CPPED1: variants seen among roughly 807,000 people sequenced by gnomAD.
CPPED1 encodes the protein calcineurin like phosphoesterase domain containing 1, also known as serine/threonine-protein phosphatase CPPED1.
A neutral mutation model predicts 28.0 loss-of-function variants in CPPED1; 28 were observed. That is an observed-to-expected ratio of 1.00 (90% confidence interval 0.74 to 1.37). The LOEUF (loss-of-function observed/expected upper bound fraction) is 1.37, where lower values mean the gene tolerates loss of function less well. CPPED1 is among the 40% of genes most tolerant of loss of function. CPPED1 has a pLI of 0.00. For missense variants in CPPED1, 504 were observed against 416.5 expected (o/e 1.21, Z -1.83); for synonymous variants, 198 against 180.2 (o/e 1.10, Z -0.79).
At chr16:12,757,057 T>C (rs2080374373) in intron 2 of CPPED1, among the ~76,000 whole-genome samples, 1 of 152,172 alleles carries the variant, frequency 6.6e-6, no homozygotes, top group Non-Finnish European at 1.5e-5. Context: ...CCAACTAAGT[T>C]ATAGCACCTC....
chr16:12,772,740 T>C (rs1217047578), intron 2 of CPPED1, among the ~76,000 whole-genome samples: 1 of 152,192 alleles, frequency 6.6e-6, no homozygotes, highest in African/African-American at 2.4e-5. Context: ...GATGAAAAGC[T>C]TCTTCATCTA....
In CPPED1 at chr16:12,704,774, G is replaced by C. The variant is rs766728534; in HGVS notation, c.565C>G (p.Leu189Val). The change falls in exon 3 of 4, where the codon CTG becomes GTG. Residue 189 changes from leucine (L) to valine (V), a missense_variant. Coordinates refer to ENST00000381774, the MANE Select transcript of CPPED1 (RefSeq NM_018340.3). ...QAQDQWLDEQ[L>V]SIARQRHCQH... ...CAGTGCCGCTGCCTCGCGATGCTCA[G>C]CTGCTCGTCCAGCCACTGGTCCTGA... 1 of 1,614,224 alleles carries C rather than the reference G, an allele frequency of 6.2e-7. No homozygotes were observed. Among genetic ancestry groups the C allele is most frequent in the Admixed American group, 1.7e-5 (1 of 60,018 alleles).
chr16:12,735,661 T>C (rs947894686), intron 2 of CPPED1, among the ~76,000 whole-genome samples: 1 of 152,214 alleles, frequency 6.6e-6, no homozygotes, highest in Non-Finnish European at 1.5e-5. Context: ...ACCTGCTTCA[T>C]AGGATTGTTA....
At chr16:12,705,270 T>C (rs995024290) in intron 2 of CPPED1, among the ~76,000 whole-genome samples, 2 of 152,218 alleles carry the variant, frequency 1.3e-5, no homozygotes, top group Non-Finnish European at 2.9e-5. Flanking sequence ...AGAAATTCCA[T>C]GACTACATGG....
intron 3 of CPPED1, among the ~76,000 whole-genome samples, chr16:12,696,438 CT>C (rs1180336228): frequency 0.16 from 19,685 of 120,662 alleles, 2,178 homozygotes; most frequent in African/African-American, 0.4. Flanking sequence ...AAGTGACTTT[CT>C]TTTTTTTTTT....
intron 3 of CPPED1, among the ~76,000 whole-genome samples, chr16:12,686,259 G>T (rs953036979): frequency 6.7e-6 from 1 of 149,434 alleles, no homozygotes; most frequent in Non-Finnish European, 1.5e-5. Flanking sequence ...TTTTGAGATG[G>T]GGTCTTGCTA....
intron 2 of CPPED1, among the ~76,000 whole-genome samples, chr16:12,714,182 A>T (rs1158708249): frequency 6.6e-6 from 1 of 152,174 alleles, no homozygotes; most frequent in Non-Finnish European, 1.5e-5. Flanking sequence ...CCATTCATCT[A>T]CTGATGGACG....
chr16:12,799,784 T>C (rs1263565632), intron 1 of CPPED1, among the ~76,000 whole-genome samples: 2 of 152,230 alleles, frequency 1.3e-5, no homozygotes, highest in East Asian at 3.8e-4. Flanking sequence ...CAGAACACTC[T>C]GAGGCTGGGC....
At chr16:12,762,185 T>C (rs1266092839) in intron 2 of CPPED1, among the ~76,000 whole-genome samples, 1 of 152,236 alleles carries the variant, frequency 6.6e-6, no homozygotes, top group African/African-American at 2.4e-5. Flanking sequence ...CTCTTCTGCT[T>C]AGTCCCCTGG....
chr16:12,710,005 A>G lies in CPPED1; in HGVS notation c.290-4956T>C, dbSNP rs939198062. Among the ~76,000 whole-genome samples the G allele has an allele frequency of 2.7e-5, 4 of 150,498 alleles. No homozygotes were observed. In the East Asian group the frequency reaches 8.0e-4, roughly 30 times the overall value. ...GGAAGGGAAGAGAAGAGAAGGAAGG[A>G]AGGGAAGGAAGGGAGGGAAGGAAAG... On this transcript the variant is annotated intron_variant, in intron 2 of 3. Coordinates refer to ENST00000381774, the MANE Select transcript of CPPED1 (RefSeq NM_018340.3).
intron 2 of CPPED1, among the ~76,000 whole-genome samples, chr16:12,751,805 A>G (rs1328271001): frequency 6.6e-6 from 1 of 152,204 alleles, no homozygotes; most frequent in Non-Finnish European, 1.5e-5. Context: ...ATTAATCTTT[A>G]GACTATTTTT....
intron 3 of CPPED1, among the ~76,000 whole-genome samples, chr16:12,684,646 T>G (rs377147767): frequency 2.0e-5 from 3 of 152,268 alleles, no homozygotes; most frequent in Admixed American, 6.5e-5. Flanking sequence ...CAGGGCTGCT[T>G]CTTCTTCATC....
At position 12,661,091 on chromosome 16, in the gene CPPED1, G is replaced by C. The variant is rs2079791597; in HGVS notation, c.*3795C>G. 1 of 152,204 alleles carries C rather than the reference G, an allele frequency of 6.6e-6. No individual in the cohort carries two copies. The highest frequency in any genetic ancestry group is 1.5e-5 in the Non-Finnish European group (1 of 68,050). The allele number at this position is 152,204 out of a possible 1,614,324, so 9.4% of individuals were successfully genotyped here. On this transcript the variant is annotated 3_prime_UTR_variant, in exon 4 of 4. Coordinates refer to ENST00000381774, the MANE Select transcript of CPPED1 (RefSeq NM_018340.3). ...GATCACACCACTGCACTCCAGCCTG[G>C]GTGATAGAGCAAGATTCTGTCTAAA...
rs1268512187 is a variant in CPPED1 at position 12,664,518 on chromosome 16, G to A, written c.*368C>T. 3 of 1,069,426 alleles carry A rather than the reference G, an allele frequency of 2.8e-6. No homozygotes were observed. The East Asian group carries it at 3.0e-4, about 109-fold the overall frequency. The allele number at this position is 1,069,426 out of a possible 1,614,324, so 66.2% of individuals were successfully genotyped here. ...TAAGGAATTATCAAAGATCATACTT[G>A]GCTGTCAGATTGGAATTGAGGTCGA... On this transcript the variant is annotated 3_prime_UTR_variant, in exon 4 of 4. Transcript: ENST00000381774. The surrounding 1 kb of genome is among the most constrained non-coding windows in gnomAD (Gnocchi z 4.2).
chr16:12,679,586 T>C (rs2079894871), intron 3 of CPPED1, among the ~76,000 whole-genome samples: 1 of 152,204 alleles, frequency 6.6e-6, no homozygotes, highest in Admixed American at 6.5e-5. Context: ...TTCACAAAAA[T>C]GGAATAGGCT....
At chr16:12,669,162 G>A (rs1260456603) in intron 3 of CPPED1, among the ~76,000 whole-genome samples, 1 of 152,156 alleles carries the variant, frequency 6.6e-6, no homozygotes, top group Non-Finnish European at 1.5e-5. Flanking sequence ...AAGGAATAAA[G>A]TGTTGATACA....
chr16:12,793,355 G>A (rs1003617570), intron 1 of CPPED1, among the ~76,000 whole-genome samples: 10 of 152,196 alleles, frequency 6.6e-5, no homozygotes, highest in Non-Finnish European at 4.4e-5. Flanking sequence ...TAAGTCACCA[G>A]AAGGCTGGAG....
Position 12,664,562 on chromosome 16 carries a change from A to G in CPPED1, c.*324T>C. On this transcript the variant is annotated 3_prime_UTR_variant, in exon 4 of 4. Coordinates refer to ENST00000381774, the MANE Select transcript of CPPED1 (RefSeq NM_018340.3). This position sits in a 1 kb window ranked among gnomAD's most constrained non-coding sequence, Gnocchi z 4.2. ...AGGTCGATAGGCAGACTTTGACCAT[A>G]TGCTAACCAGAATACAATCCAATTC... 2 of 1,137,846 alleles carry G rather than the reference A, an allele frequency of 1.8e-6. No individual in the cohort carries two copies. Among genetic ancestry groups the G allele is most frequent in the Middle Eastern group, 3.8e-4 (1 of 2,618 alleles). 70.5% of individuals were successfully genotyped at this position (1,137,846 alleles called of 1,614,324 possible).
chr16:12,697,756 CTA>C (rs2079999557), intron 3 of CPPED1, among the ~76,000 whole-genome samples: 2 of 152,134 alleles, frequency 1.3e-5, no homozygotes, highest in South Asian at 4.2e-4. Context: ...AAAATATTTA[CTA>C]TCTGACCCTT....
Sources: gnomAD v4.1 joint callset for allele counts (sites outside exome capture counted in the v4.1 genomes callset) on GRCh38, gnomAD v4.1.1 for gene constraint, Gnocchi (gnomAD v3.1) non-coding constraint, MANE v1.5 for transcripts, NCBI Gene and HGNC (gene_info 2026-07-23, HGNC 2026-07-21) for gene names.